AK7: variants seen among roughly 807,000 people sequenced by gnomAD.
The protein encoded by AK7 is adenylate kinase 7.
A neutral mutation model predicts 96.6 loss-of-function variants in AK7; 78 were observed. The ratio of observed to expected loss-of-function variants is 0.81; its 90% CI spans 0.67 to 0.97. AK7 has a LOEUF of 0.97. Ranked by LOEUF, AK7 falls within the 50% of genes least tolerant of loss-of-function variation. AK7 has a pLI of 0.00. For synonymous variants in AK7, 302 were observed against 317.2 expected (o/e 0.95, Z 0.51); for missense variants, 855 against 887.9 (o/e 0.96, Z 0.47).
chr14:96,471,352 AAAG>A, intron 12 of AK7, 123 bp from the exon 13 acceptor site: 2 of 483,722 alleles, frequency 4.1e-6, no homozygotes, highest in Non-Finnish European at 3.3e-6. Context: ...AAAAAAAAAA[AAAG>A]CAAAATAGGG....
intron 12 of AK7, among the ~76,000 whole-genome samples, chr14:96,470,598 A>G (rs1023201796): frequency 6.6e-5 from 10 of 152,094 alleles, no homozygotes; most frequent in African/African-American, 2.4e-4. Flanking sequence ...TTGAGAGGGA[A>G]CTGTCCAGTG....
chr14:96,485,960 T>G (rs1039405783), intron 16 of AK7, among the ~76,000 whole-genome samples: 2 of 151,910 alleles, frequency 1.3e-5, no homozygotes, highest in African/African-American at 2.4e-5. Context: ...CGCGCCCGGT[T>G]AATTTTTTTG....
At chr14:96,393,030 G>A (rs1046886205) in intron 1 of AK7, among the ~76,000 whole-genome samples, 2 of 152,100 alleles carry the variant, frequency 1.3e-5, no homozygotes, top group Non-Finnish European at 2.9e-5. Flanking sequence ...TCAATATATG[G>A]TTTTTGAGCA....
intron 1 of AK7, among the ~76,000 whole-genome samples, chr14:96,394,751 G>A (rs1022327281): frequency 6.6e-5 from 10 of 152,186 alleles, no homozygotes; most frequent in African/African-American, 1.9e-4. Flanking sequence ...CAAGGCAAGC[G>A]GATCACTTGA....
chr14:96,395,682 G>A (rs1890025204), intron 1 of AK7, among the ~76,000 whole-genome samples: 1 of 126,526 alleles, frequency 7.9e-6, no homozygotes, highest in Non-Finnish European at 1.6e-5. Flanking sequence ...TCCAGCCTGG[G>A]AGGTATACAT....
chr14:96,477,432 T>C (rs1895248686), intron 14 of AK7, among the ~76,000 whole-genome samples: 1 of 152,256 alleles, frequency 6.6e-6, no homozygotes, highest in South Asian at 2.1e-4. Context: ...CCAAGTTCTG[T>C]TGAGCTCTAA....
At chr14:96,454,441 G>GT (rs912609969) in intron 10 of AK7, among the ~76,000 whole-genome samples, 335 of 143,280 alleles carry the variant, frequency 2.3e-3, no homozygotes, top group Middle Eastern at 3.7e-3. Context: ...GAGAAATGGT[G>GT]TTTTTTTTTT....
At chr14:96,432,202 C>CTTTTTTTTTTTT (rs71103525) in intron 5 of AK7, among the ~76,000 whole-genome samples, 1 of 101,192 alleles carries the variant, frequency 9.9e-6, no homozygotes, top group African/African-American at 3.6e-5. Flanking sequence ...GCAACCCCTG[C>CTTTTTTTTTTTT]TTTTTTTTTT....
In AK7 at chr14:96,408,849, C is replaced by T. The variant is rs528439120; in HGVS notation, c.406C>T (p.Leu136Phe). 1.9e-6 allele frequency: 3 copies of T among 1,614,192 alleles called. No homozygotes were observed. Among genetic ancestry groups the T allele is most frequent in the Admixed American group, 1.7e-5 (1 of 60,012 alleles). Residue 136 changes from leucine to phenylalanine, a missense_variant and splice_region_variant, in exon 4 of 18, where the codon CTC becomes TTC. Coordinates refer to ENST00000267584, the MANE Select transcript of AK7 (RefSeq NM_152327.5). ...CACTCTGCTTTTTGGCCCCACAGCA[C>T]TCAGTGAAGAAGTCAGCCACTTTGA... ...MEEAIWAVSA[L>F]SEEVSHFEKR...
At chr14:96,412,262 CTG>C (rs1891080924) in intron 4 of AK7, among the ~76,000 whole-genome samples, 1 of 131,928 alleles carries the variant, frequency 7.6e-6, no homozygotes, top group African/African-American at 2.9e-5. Flanking sequence ...AAGTCTTACT[CTG>C]TTGTTCAGGC....
chr14:96,428,815 A>G (rs1009188718), intron 5 of AK7, among the ~76,000 whole-genome samples: 2 of 151,384 alleles, frequency 1.3e-5, no homozygotes, highest in African/African-American at 2.4e-5. Flanking sequence ...GGGTTGTTTG[A>G]TTTTTTCTTG....
At chr14:96,458,332 A>C in intron 12 of AK7, 120 bp downstream of exon 12, 17 of 1,302,908 alleles carry the variant, frequency 1.3e-5, no homozygotes, top group Non-Finnish European at 1.7e-5. Flanking sequence ...GCCATGGCTC[A>C]TGCCTGTAAT....
intron 12 of AK7, among the ~76,000 whole-genome samples, chr14:96,464,755 TG>T (rs1329501642): frequency 2.0e-5 from 3 of 152,176 alleles, no homozygotes; most frequent in Non-Finnish European, 2.9e-5. Flanking sequence ...GAATGCTTTT[TG>T]TTCTCAAAAT....
intron 7 of AK7, among the ~76,000 whole-genome samples, chr14:96,443,390 C>T (rs1272177265): frequency 6.6e-6 from 1 of 152,204 alleles, no homozygotes; most frequent in African/African-American, 2.4e-5. Flanking sequence ...TCAGCTCCAG[C>T]TTCCGGGGAC....
chr14:96,431,623 A>G (rs370428614), intron 5 of AK7, among the ~76,000 whole-genome samples: 31 of 152,300 alleles, frequency 2.0e-4, no homozygotes, highest in African/African-American at 6.7e-4. Context: ...TCTGAGAGAC[A>G]GTTTTTTGTG....
intron 13 of AK7, 124 bp from the exon 14 acceptor site, chr14:96,472,563 A>C (rs1044561396): frequency 1.5e-6 from 1 of 655,154 alleles, no homozygotes; most frequent in Non-Finnish European, 2.7e-6. Context: ...TATTTCTAAA[A>C]TACATGTGCT....
At chr14:96,464,402 T>A (rs1208526638) in intron 12 of AK7, among the ~76,000 whole-genome samples, 5 of 151,258 alleles carry the variant, frequency 3.3e-5, no homozygotes, top group Non-Finnish European at 7.4e-5. Context: ...ACAAAAAAAA[T>A]AGCCAGGCGT....
At chr14:96,407,261 G>A (rs369037764) in intron 3 of AK7, among the ~76,000 whole-genome samples, 1 of 152,130 alleles carries the variant, frequency 6.6e-6, no homozygotes, top group African/African-American at 2.4e-5. Flanking sequence ...AAGCTCGGCA[G>A]GGCAGAAAGG....
At chr14:96,423,556 C>G in intron 5 of AK7, 2 of 481,696 alleles carry the variant, frequency 4.2e-6, no homozygotes, top group South Asian at 1.7e-5. Flanking sequence ...GAAAAGTCAC[C>G]CTAAGCCACC....
Sources: gnomAD v4.1 joint callset for allele counts (sites outside exome capture counted in the v4.1 genomes callset) on GRCh38, gnomAD v4.1.1 for gene constraint, MANE v1.5 for transcripts, NCBI Gene and HGNC (gene_info 2026-07-23, HGNC 2026-07-21) for gene names.